Variants in IFT74 observed in about 807,000 individuals in gnomAD.
IFT74 encodes intraflagellar transport protein 74 homolog.
Under a neutral mutation model 96.7 loss-of-function variants are expected in IFT74, and 92 were observed. That is an observed-to-expected ratio of 0.95 (90% CI 0.80 to 1.13). IFT74 has a LOEUF of 1.13. Ranked by LOEUF, IFT74 falls within the 50% of genes most tolerant of loss-of-function variation. IFT74 has a pLI of 0.00. For missense variants in IFT74, 811 were observed against 698.2 expected (o/e 1.16, Z -1.82); for synonymous variants, 223 against 213.2 (o/e 1.05, Z -0.40).
intron 13 of IFT74, among the ~76,000 whole-genome samples, chr9:27,037,270 A>G (rs1026030702): frequency 6.6e-6 from 1 of 150,954 alleles, no homozygotes; most frequent in Non-Finnish European, 1.5e-5. Flanking sequence ...CATCAAATGT[A>G]TGAGTAGACA....
chr9:26,952,596 GTAA>G (rs1825970206), upstream of IFT74, among the ~76,000 whole-genome samples: 1 of 152,152 alleles, frequency 6.6e-6, no homozygotes, highest in Non-Finnish European at 1.5e-5. Context: ...TTTTTAAAAA[GTAA>G]TAATAATGCA....
At chr9:26,963,707 C>T (rs1042353684) in intron 2 of IFT74, among the ~76,000 whole-genome samples, 2 of 152,096 alleles carry the variant, frequency 1.3e-5, no homozygotes, top group African/African-American at 4.8e-5. Context: ...CTCTGATGGC[C>T]AGTGATGATG....
intron 1 of IFT74, among the ~76,000 whole-genome samples, chr9:26,947,964 G>T (rs1046236604): frequency 6.6e-6 from 1 of 152,122 alleles, no homozygotes; most frequent in East Asian, 1.9e-4. Flanking sequence ...TTGAGTGCCA[G>T]GGTAAACATG....
chr9:26,998,173 AG>A, intron 8 of IFT74: 1 of 1,579,970 alleles, frequency 6.3e-7, no homozygotes, highest in Non-Finnish European at 8.6e-7. Context: ...GATCAAGTAT[AG>A]TAACATCTTT....
chr9:26,968,427 A>G (rs1826728684), intron 2 of IFT74, among the ~76,000 whole-genome samples: 1 of 151,910 alleles, frequency 6.6e-6, no homozygotes, highest in African/African-American at 2.4e-5. Flanking sequence ...ACGTCTGGCT[A>G]ATTTTTATAT....
intron 16 of IFT74, among the ~76,000 whole-genome samples, chr9:27,049,629 TA>T (rs1051214925): frequency 1.4e-4 from 22 of 152,116 alleles, no homozygotes; most frequent in Non-Finnish European, 2.8e-4. Flanking sequence ...ATAAGAGGCT[TA>T]AAAAAATCTA....
intron 19 of IFT74, among the ~76,000 whole-genome samples, chr9:27,062,058 G>T (rs190041906): frequency 3.9e-5 from 6 of 152,116 alleles, no homozygotes; most frequent in African/African-American, 1.4e-4. Flanking sequence ...CCCCAGGGTG[G>T]TGCTGAACTT....
chr9:27,025,519 T>C (rs1829822900), intron 12 of IFT74, among the ~76,000 whole-genome samples: 2 of 145,676 alleles, frequency 1.4e-5, no homozygotes, highest in African/African-American at 5.1e-5. Flanking sequence ...CACAAAAAGA[T>C]CATCACTTAG....
At chr9:26,975,884 T>C (rs1827093924) in intron 2 of IFT74, among the ~76,000 whole-genome samples, 1 of 152,224 alleles carries the variant, frequency 6.6e-6, no homozygotes, top group Non-Finnish European at 1.5e-5. Flanking sequence ...CTCTGGCTGC[T>C]TCCCTTGTGG....
At chr9:26,982,866 ACAGGC>A (rs1462070839) in intron 4 of IFT74, among the ~76,000 whole-genome samples, 1 of 152,170 alleles carries the variant, frequency 6.6e-6, no homozygotes, top group East Asian at 1.9e-4. Flanking sequence ...TGCTGGGATT[ACAGGC>A]GTGAGCTGCC....
At chr9:27,033,294 A>C (rs944461375) in intron 13 of IFT74, among the ~76,000 whole-genome samples, 3 of 151,804 alleles carry the variant, frequency 2.0e-5, no homozygotes, top group Non-Finnish European at 4.4e-5. Flanking sequence ...GTGGTGGCTC[A>C]TGCCTATAAT....
At chr9:26,990,349 CTTG>C (rs543020930) in intron 8 of IFT74, among the ~76,000 whole-genome samples, 154 bp downstream of exon 8, 18 of 152,118 alleles carry the variant, frequency 1.2e-4, no homozygotes, top group Non-Finnish European at 2.2e-4. Flanking sequence ...GTTGCTTATA[CTTG>C]TTATCTTCAT....
chr9:27,007,078 C>A (rs1198803083), intron 8 of IFT74, among the ~76,000 whole-genome samples: 1 of 151,984 alleles, frequency 6.6e-6, no homozygotes, highest in Admixed American at 6.6e-5. Flanking sequence ...ACCTCGTGAT[C>A]TGCCCGCCTC....
At chr9:27,011,227 G>GA (rs1829053022) in intron 9 of IFT74, among the ~76,000 whole-genome samples, 2 of 152,120 alleles carry the variant, frequency 1.3e-5, no homozygotes, top group African/African-American at 4.8e-5. Flanking sequence ...ACTCCAGCCT[G>GA]GGCAACAGAG....
At chr9:27,033,108 A>AT (rs1830198366) in intron 13 of IFT74, among the ~76,000 whole-genome samples, 1 of 152,138 alleles carries the variant, frequency 6.6e-6, no homozygotes, top group African/African-American at 2.4e-5. Context: ...TGATAAACAT[A>AT]TTTTTAAATG....
At position 27,011,769 on chromosome 9, in the gene IFT74, T is replaced by A. The variant is rs186592068; in HGVS notation, c.727-137T>A. The A allele has an allele frequency of 2.8e-5, 12 of 431,784 alleles. No individual in the cohort carries two copies. In the East Asian group the frequency reaches 4.3e-4, roughly 15 times the overall value. 26.7% of individuals were successfully genotyped at this position (431,784 alleles called of 1,614,324 possible). On this transcript the variant is annotated intron_variant, in intron 9 of 19. Transcript: ENST00000380062. ...AAAATGTAAGATGCCAGTGAAGATA[T>A]TTAGAAAATTTACTTAGTCACTTTG...
At position 27,022,998 on chromosome 9, in the gene IFT74, G is replaced by A. The variant is rs545875298; in HGVS notation, c.974+4311G>A. 1.4e-4 allele frequency among the ~76,000 whole-genome samples: 22 copies of A among 152,244 alleles called. No individual in the cohort carries two copies. The South Asian group carries it at 1.7e-3, about 11-fold the overall frequency. On this transcript the variant is annotated intron_variant, in intron 12 of 19. Coordinates refer to ENST00000380062, the MANE Select transcript of IFT74 (RefSeq NM_025103.4). ...GTATATAGCGGTGCTACTGATTTGT[G>A]TACATTGATTTTGTGTCCTGAAACT...
rs1397555483 is a variant in IFT74, at chr9:26,984,307, T to C, written c.356T>C (p.Ile119Thr). The C allele has an allele frequency of 6.3e-7, 1 of 1,581,458 alleles. No homozygotes were observed. Reference sequence around the variant, plus strand: ...GAAGTTAATAAACTTCAGAAGGGAATAGAAATGTACAATCAAGAGAATTCA... The same window carrying C: ...GAAGTTAATAAACTTCAGAAGGGAACAGAAATGTACAATCAAGAGAATTCA... ...TTEVNKLQKG[I>T]EMYNQENSVY... is the part of the protein sequence containing the mutation. The change falls in exon 5 of 20, where the codon ATA (isoleucine) becomes ACA (threonine). Residue 119 changes from isoleucine to threonine, a missense_variant. Coordinates refer to ENST00000380062, the MANE Select transcript of IFT74 (RefSeq NM_025103.4).
chr9:27,022,495 A>G (rs1054266665), intron 12 of IFT74, among the ~76,000 whole-genome samples: 9 of 152,202 alleles, frequency 5.9e-5, no homozygotes, highest in African/African-American at 7.2e-5. Context: ...TTTGTCATCT[A>G]TGATTTCTTT....
Sources: allele counts gnomAD v4.1 joint callset (sites outside exome capture counted in the v4.1 genomes callset), GRCh38; gene constraint gnomAD v4.1.1; transcripts MANE v1.5; gene names NCBI Gene and HGNC (gene_info 2026-07-23, HGNC 2026-07-21).